The following TPRG1 variants were observed in gnomAD, a reference collection of about 807,000 sequenced individuals.
TPRG1 encodes tumor protein p63-regulated gene 1 protein.
A neutral mutation model predicts 29.3 loss-of-function variants in TPRG1; 29 were observed. That is an observed-to-expected ratio of 0.99 (90% confidence interval 0.74 to 1.35). The LOEUF (loss-of-function observed/expected upper bound fraction) is 1.35, where lower values mean the gene tolerates loss of function less well. TPRG1 is among the 40% of genes most tolerant of loss of function. The pLI is 0.00. For synonymous variants in TPRG1, 130 were observed against 116.8 expected (o/e 1.11, Z -0.73); for missense variants, 327 against 335.0 (o/e 0.98, Z 0.19).
At chr3:189,190,980 A>T (rs923789973) in intron 1 of TPRG1, 2 of 985,322 alleles carry the variant, frequency 2.0e-6, no homozygotes, top group East Asian at 1.1e-4. Context: ...AAATGCGAAT[A>T]TCACAGGTAG....
At chr3:189,092,732 C>T (rs989919730) in intron 4 of TPRG1, among the ~76,000 whole-genome samples, 1 of 152,016 alleles carries the variant, frequency 6.6e-6, no homozygotes, top group Non-Finnish European at 1.5e-5. Flanking sequence ...ACCACTGTCA[C>T]CAAATGCTTA....
intron 3 of TPRG1, among the ~76,000 whole-genome samples, chr3:189,021,186 A>G (rs1383635715): frequency 6.7e-6 from 1 of 148,514 alleles, no homozygotes; most frequent in African/African-American, 2.5e-5. Context: ...TCTTTATCCA[A>G]TTTGCCAGTC....
chr3:189,190,209 C>G (rs1273009167), intron 1 of TPRG1, among the ~76,000 whole-genome samples: 1 of 152,176 alleles, frequency 6.6e-6, no homozygotes, highest in Admixed American at 6.5e-5. Flanking sequence ...TTGAATTTCT[C>G]TGTTCACAAA....
intron 4 of TPRG1, among the ~76,000 whole-genome samples, chr3:189,280,202 G>C (rs770717736): frequency 3.3e-5 from 5 of 151,756 alleles, no homozygotes; most frequent in Non-Finnish European, 5.9e-5. Context: ...AGAGTGTAGA[G>C]TGAAAGCAGC....
At chr3:189,006,094 T>A (rs1712271003) in intron 3 of TPRG1, among the ~76,000 whole-genome samples, 1 of 152,156 alleles carries the variant, frequency 6.6e-6, no homozygotes, top group Non-Finnish European at 1.5e-5. Flanking sequence ...TACATATTTT[T>A]ATAGTTAAGA....
At chr3:189,098,833 T>C (rs147759173), upstream of TPRG1, among the ~76,000 whole-genome samples, 114 of 152,254 alleles carry the variant, frequency 7.5e-4, no homozygotes, top group African/African-American at 2.7e-3. Flanking sequence ...TATAACAATT[T>C]GTTTTTCCCT....
intron 4 of TPRG1, among the ~76,000 whole-genome samples, chr3:189,261,148 C>T (rs1009073101): frequency 2.0e-5 from 3 of 152,072 alleles, no homozygotes; most frequent in Non-Finnish European, 2.9e-5. Flanking sequence ...AAGTGTATGC[C>T]GCCCCCAAGG....
At chr3:189,215,940 T>C (rs932411035) in intron 3 of TPRG1, among the ~76,000 whole-genome samples, 12 of 152,006 alleles carry the variant, frequency 7.9e-5, no homozygotes. Flanking sequence ...CTGCCTGCAT[T>C]CCCCCCAAAG....
At chr3:189,155,115 G>A (rs1035789716) in intron 5 of TPRG1, among the ~76,000 whole-genome samples, 6 of 152,164 alleles carry the variant, frequency 3.9e-5, no homozygotes, top group African/African-American at 1.4e-4. Context: ...TTGGGGAAGA[G>A]GGAGCAAGGG....
intron 4 of TPRG1, among the ~76,000 whole-genome samples, chr3:189,246,515 C>A (rs1741404921): frequency 6.6e-6 from 1 of 152,134 alleles, no homozygotes; most frequent in South Asian, 2.1e-4. Context: ...TTTAATAAAT[C>A]ATAAGTATTT....
rs561279673 is a variant in TPRG1 at position 189,311,393 on chromosome 3, GTA to G, written c.633+856_633+857del. 2.7e-3 allele frequency among the ~76,000 whole-genome samples: 411 copies of G among 152,188 alleles called. 2 individuals carry two copies. The highest frequency in any genetic ancestry group is 9.4e-3 in the African/African-American group (391 of 41,522). ...CTATGAATTCAAAACTTGGCAATCTGTATGTAAAGACTTTCTGTGGTTGATGG... is the reference window on the plus strand; with the variant it reads ...CTATGAATTCAAAACTTGGCAATCTGTGTAAAGACTTTCTGTGGTTGATGG... On this transcript the variant is annotated intron_variant, in intron 5 of 5. Coordinates refer to ENST00000345063, the MANE Select transcript of TPRG1 (RefSeq NM_198485.4).
At chr3:189,063,095 A>C (rs1716220421) in intron 4 of TPRG1, among the ~76,000 whole-genome samples, 1 of 152,106 alleles carries the variant, frequency 6.6e-6, no homozygotes. Flanking sequence ...CTTTAAGCAA[A>C]AATGCAGGTG....
chr3:189,144,819 A>C (rs1239414537), intron 3 of TPRG1, among the ~76,000 whole-genome samples: 3 of 152,200 alleles, frequency 2.0e-5, no homozygotes, highest in South Asian at 2.1e-4. Flanking sequence ...CAGCAGGATG[A>C]GGAAGTTTTA....
intron 4 of TPRG1, among the ~76,000 whole-genome samples, chr3:189,278,920 A>G (rs1716625145): frequency 6.6e-6 from 1 of 152,228 alleles, no homozygotes; most frequent in African/African-American, 2.4e-5. Context: ...TTATGCTCAT[A>G]TTCCTAAGAA....
chr3:189,206,444 C>A lies in TPRG1; in HGVS notation c.-9-932C>A, dbSNP rs192966737. Reference sequence around the variant, plus strand: ...ATGAGATATAAAGTGGTGTGTTTTTCTTTTATATATAACCTGGTATATTTT... The same window carrying A: ...ATGAGATATAAAGTGGTGTGTTTTTATTTTATATATAACCTGGTATATTTT... On this transcript the variant is annotated intron_variant, in intron 1 of 5. Transcript: ENST00000345063. Among the ~76,000 whole-genome samples the A allele has an allele frequency of 4.6e-4, 67 of 147,124 alleles. 2 individuals carry two copies. The highest frequency in any genetic ancestry group is 3.7e-3 in the Admixed American group (55 of 14,826).
chr3:189,163,922 C>T (rs929180469), intron 5 of TPRG1, among the ~76,000 whole-genome samples: 1 of 151,614 alleles, frequency 6.6e-6, no homozygotes, highest in Non-Finnish European at 1.5e-5. Flanking sequence ...TAAGATGATA[C>T]CTTTAGCTAA....
chr3:189,085,052 A>G (rs73053420), intron 4 of TPRG1, among the ~76,000 whole-genome samples: 7,070 of 152,250 alleles, frequency 0.046, 532 homozygotes, highest in African/African-American at 0.16. Flanking sequence ...GAAAAATATG[A>G]TTGTGCTGTT....
At chr3:189,052,122 G>A (rs1020325782) in intron 4 of TPRG1, among the ~76,000 whole-genome samples, 1 of 152,178 alleles carries the variant, frequency 6.6e-6, no homozygotes, top group African/African-American at 2.4e-5. Flanking sequence ...AAGAGCTTTT[G>A]CACGGCAAAA....
intron 1 of TPRG1, among the ~76,000 whole-genome samples, chr3:189,100,850 G>A (rs1221496162): frequency 1.3e-5 from 2 of 152,130 alleles, no homozygotes; most frequent in African/African-American, 4.8e-5. Context: ...TCCACCGCAA[G>A]CTAAGTTTCT....
Sources: allele counts gnomAD v4.1 joint callset (sites outside exome capture counted in the v4.1 genomes callset), GRCh38; gene constraint gnomAD v4.1.1; transcripts MANE v1.5; gene names NCBI Gene and HGNC (gene_info 2026-07-23, HGNC 2026-07-21).